Variants in GABRB3 observed in about 807,000 individuals in gnomAD.
GABRB3 encodes gamma-aminobutyric acid type A receptor subunit beta3, also known as gamma-aminobutyric acid receptor subunit beta-3.
Under a neutral mutation model 52.1 loss-of-function variants are expected in GABRB3, and 14 were observed. The observed-to-expected ratio is 0.27, with a 90% CI of 0.18 to 0.42. GABRB3 has a LOEUF of 0.42. Among genes scored for constraint, GABRB3 ranks in the 10% least tolerant of loss-of-function variants. The probability of loss-of-function intolerance (pLI) is 1.00; values close to 1 mark genes in which losing one functional copy is unlikely to be tolerated. For synonymous variants in GABRB3, 260 were observed against 232.3 expected (o/e 1.12, Z -1.08); for missense variants, 307 against 609.1 (o/e 0.50, Z 5.22).
intron 4 of GABRB3, among the ~76,000 whole-genome samples, chr15:26,595,119 T>C (rs1448473001): frequency 6.6e-6 from 1 of 152,206 alleles, no homozygotes; most frequent in Non-Finnish European, 1.5e-5. Context: ...GAGCCTTAGA[T>C]GGTGTATTTT....
chr15:26,752,632 T>C (rs752443164), intron 3 of GABRB3, among the ~76,000 whole-genome samples: 1 of 152,190 alleles, frequency 6.6e-6, no homozygotes, highest in Non-Finnish European at 1.5e-5. Flanking sequence ...ATATTTATGA[T>C]GTACCACATC....
At chr15:26,728,996 T>C (rs1889840427) in intron 3 of GABRB3, among the ~76,000 whole-genome samples, 1 of 152,232 alleles carries the variant, frequency 6.6e-6, no homozygotes, top group Non-Finnish European at 1.5e-5. Flanking sequence ...AACACCCTTA[T>C]ACTGAGTATA....
intron 3 of GABRB3, chr15:26,767,300 T>C (rs943878765): frequency 6.6e-6 from 1 of 152,210 alleles, no homozygotes; most frequent in Non-Finnish European, 1.5e-5. Flanking sequence ...TGCTTTGTAA[T>C]AAGAGCATTA....
At chr15:26,620,429 T>C (rs946158459) in intron 4 of GABRB3, among the ~76,000 whole-genome samples, 1 of 152,140 alleles carries the variant, frequency 6.6e-6, no homozygotes, top group Non-Finnish European at 1.5e-5. Flanking sequence ...AAAGTCTTAG[T>C]TCAAAGCCTC....
intron 3 of GABRB3, among the ~76,000 whole-genome samples, chr15:26,622,493 G>A (rs564306294): frequency 1.3e-5 from 2 of 152,182 alleles, no homozygotes; most frequent in African/African-American, 4.8e-5. Context: ...CAAAGGTTAG[G>A]AGGTAAATTA....
chr15:26,625,192 C>A (rs998543034), intron 3 of GABRB3, among the ~76,000 whole-genome samples: 7 of 152,026 alleles, frequency 4.6e-5, no homozygotes, highest in African/African-American at 1.4e-4. Context: ...CAGTTCCTCA[C>A]AATAAAGTGG....
intron 3 of GABRB3, among the ~76,000 whole-genome samples, chr15:26,714,720 C>T (rs1350326158): frequency 6.6e-6 from 1 of 152,158 alleles, no homozygotes; most frequent in Non-Finnish European, 1.5e-5. Flanking sequence ...GACTTTTTCC[C>T]TTTAGCTTAG....
chr15:26,761,150 T>G (rs1890811018), intron 3 of GABRB3, among the ~76,000 whole-genome samples: 1 of 152,164 alleles, frequency 6.6e-6, no homozygotes, highest in Admixed American at 6.5e-5. Context: ...ATCTTAGCAC[T>G]TTGGGAGGCC....
At chr15:26,765,668 G>C (rs183370567) in intron 3 of GABRB3, among the ~76,000 whole-genome samples, 129 of 152,240 alleles carry the variant, frequency 8.5e-4, no homozygotes, top group African/African-American at 3.0e-3. Flanking sequence ...CATAGAAACA[G>C]CCCTGCCTCA....
intron 3 of GABRB3, among the ~76,000 whole-genome samples, chr15:26,758,797 T>G (rs922938666): frequency 6.6e-6 from 1 of 152,256 alleles, no homozygotes; most frequent in East Asian, 1.9e-4. Context: ...AAAACAACCT[T>G]AAGTAACATA....
rs3078706 is a variant in GABRB3 at position 26,752,229 on chromosome 15, TTTTATTTATTTATTTATTTA to T, written c.240+20153_240+20172del. Among the ~76,000 whole-genome samples the T allele has an allele frequency of 7.3e-3, 1,020 of 140,362 alleles. 6 individuals carry two copies. The highest frequency in any genetic ancestry group is 0.025 in the African/African-American group (932 of 37,642). 92.1% of individuals were successfully genotyped at this position (140,362 alleles called of 152,430 possible). ...CAGAATTGATCGCTTGCTCTCTTTATTTTATTTATTTATTTATTTATTTATTTATTTATTTATTTATTTAT... is the reference window on the plus strand; with the variant it reads ...CAGAATTGATCGCTTGCTCTCTTTATTTTATTTATTTATTTATTTATTTAT... On this transcript the variant is annotated intron_variant, in intron 3 of 8. Coordinates refer to ENST00000311550, the MANE Select transcript of GABRB3 (RefSeq NM_000814.6).
At chr15:26,668,810 A>G (rs1450499991) in intron 3 of GABRB3, among the ~76,000 whole-genome samples, 1 of 152,232 alleles carries the variant, frequency 6.6e-6, no homozygotes, top group Non-Finnish European at 1.5e-5. Flanking sequence ...CAAAATATCA[A>G]GTCCCATACT....
At chr15:26,732,463 TA>T (rs1566822778) in intron 3 of GABRB3, among the ~76,000 whole-genome samples, 1 of 152,144 alleles carries the variant, frequency 6.6e-6, no homozygotes, top group South Asian at 2.1e-4. Context: ...TAAAGATTCT[TA>T]AAAAACAGGG....
chr15:26,724,990 G>A (rs1411121841), intron 3 of GABRB3, among the ~76,000 whole-genome samples: 1 of 152,114 alleles, frequency 6.6e-6, no homozygotes, highest in African/African-American at 2.4e-5. Context: ...AGCCCATGGA[G>A]CTCACAATAC....
intron 8 of GABRB3, 50 bp downstream of exon 8, chr15:26,560,882 A>T (rs1262286174): frequency 2.5e-6 from 4 of 1,611,874 alleles, no homozygotes; most frequent in Non-Finnish European, 3.4e-6. Flanking sequence ...TAAATGCAGT[A>T]GCTGCTGAGC....
intron 3 of GABRB3, among the ~76,000 whole-genome samples, chr15:26,737,880 C>A (rs568380540): frequency 8.5e-5 from 13 of 152,202 alleles, no homozygotes; most frequent in African/African-American, 3.1e-4. Flanking sequence ...AATATTCTAT[C>A]GTTTCAATAT....
intron 3 of GABRB3, among the ~76,000 whole-genome samples, chr15:26,680,903 C>T (rs1482252055): frequency 2.0e-5 from 3 of 152,126 alleles, no homozygotes; most frequent in African/African-American, 7.2e-5. Context: ...ACTATCCTGT[C>T]TCCTTTATGC....
At chr15:26,606,519 A>G (rs1891798566) in intron 4 of GABRB3, among the ~76,000 whole-genome samples, 1 of 152,142 alleles carries the variant, frequency 6.6e-6, no homozygotes, top group Admixed American at 6.5e-5. Flanking sequence ...CAATAAAGCT[A>G]TATATGATAA....
chr15:26,616,249 C>T (rs538936981), intron 4 of GABRB3, among the ~76,000 whole-genome samples: 21 of 152,174 alleles, frequency 1.4e-4, no homozygotes, highest in Admixed American at 5.2e-4. Context: ...TCAAAAGTCA[C>T]GTGTAAAATA....
Sources: gnomAD v4.1 joint callset for allele counts (sites outside exome capture counted in the v4.1 genomes callset) on GRCh38, gnomAD v4.1.1 for gene constraint, MANE v1.5 for transcripts, NCBI Gene and HGNC (gene_info 2026-07-23, HGNC 2026-07-21) for gene names.